Variants in CMIP observed in about 807,000 individuals in gnomAD.
The protein encoded by CMIP is C-Maf-inducing protein.
A neutral mutation model predicts 97.3 loss-of-function variants in CMIP; 13 were observed. That is an observed-to-expected ratio of 0.13 (90% confidence interval 0.09 to 0.21). CMIP has a LOEUF of 0.21. CMIP is among the 10% of genes least tolerant of loss of function. CMIP has a pLI of 1.00. For synonymous variants in CMIP, 538 were observed against 436.3 expected, an observed-to-expected ratio of 1.23 and a Z score of -2.91; for missense variants, 847 against 1,024.9, an observed-to-expected ratio of 0.83 and a Z score of 2.37.
In CMIP at chr16:81,503,537, T is replaced by C. The variant is rs530578490; in HGVS notation, c.300+57996T>C. On this transcript the variant is annotated intron_variant, in intron 1 of 20. Coordinates refer to ENST00000537098, the MANE Select transcript of CMIP (RefSeq NM_198390.3). ...TCAGCCTCCCGAGTAGGTGGGACCA[T>C]AGATACATGCCACTGCACCTGGCTA... Among the ~76,000 whole-genome samples the C allele has an allele frequency of 1.8e-4, 28 of 152,228 alleles. 1 individual carries two copies. The highest frequency in any genetic ancestry group is 5.8e-4 in the African/African-American group (24 of 41,544).
At chr16:81,602,671 A>G (rs1030660671) in intron 1 of CMIP, among the ~76,000 whole-genome samples, 22 of 152,376 alleles carry the variant, frequency 1.4e-4, no homozygotes, top group African/African-American at 5.0e-4. Flanking sequence ...ATGGAATCAT[A>G]CAGTATGCCT....
rs924742512 is a variant in CMIP at position 81,616,015 on chromosome 16, G to A, written c.427-4861G>A. ...TCCTTCTCGTCGCACTGGGGCAGAA[G>A]GAGCCGGGCGCGGTGGGTGGGAGAT... is the stretch of plus-strand genomic sequence containing the variant. On this transcript the variant is annotated intron_variant, in intron 2 of 20. Coordinates refer to ENST00000537098, the MANE Select transcript of CMIP (RefSeq NM_198390.3). The surrounding 1 kb of genome is among the most constrained non-coding windows in gnomAD (Gnocchi z 4.7). 1.3e-5 allele frequency among the ~76,000 whole-genome samples: 2 copies of A among 152,124 alleles called. No individual in the cohort carries two copies. Among genetic ancestry groups the A allele is most frequent in the East Asian group, 1.9e-4 (1 of 5,192 alleles).
chr16:81,469,768 C>T (rs1255245970), intron 1 of CMIP, among the ~76,000 whole-genome samples: 6 of 152,206 alleles, frequency 3.9e-5, no homozygotes, highest in Admixed American at 3.9e-4. Context: ...GTTAGTTAAA[C>T]TCTACCTGGA....
At chr16:81,557,407 CTTG>C (rs2090786888) in intron 1 of CMIP, among the ~76,000 whole-genome samples, 1 of 152,132 alleles carries the variant, frequency 6.6e-6, no homozygotes, top group Non-Finnish European at 1.5e-5. Context: ...TACTTACCAT[CTTG>C]TTGGCAGCCT....
rs746236947 is a variant in CMIP at position 81,652,304 on chromosome 16, C to A, written c.579C>A (p.Pro193=). 15 of 1,613,964 alleles carry A rather than the reference C, an allele frequency of 9.3e-6. No individual in the cohort carries two copies. Among genetic ancestry groups the A allele is most frequent in the Middle Eastern group, 1.7e-4 (1 of 6,052 alleles). Residue 193 remains proline, a synonymous_variant, in exon 4 of 21, where the codon CCC becomes CCA. Coordinates refer to ENST00000537098, the MANE Select transcript of CMIP (RefSeq NM_198390.3). The surrounding 1 kb of genome is among the most constrained non-coding windows in gnomAD (Gnocchi z 5.2). ...RTLVDMALTS[P]LQDDSINQAP... Reference sequence around the variant, plus strand: ...TGGTGGACATGGCCCTGACATCCCCCCTGCAGGATGACTCCATCAACCAGG... The same window carrying A: ...TGGTGGACATGGCCCTGACATCCCCACTGCAGGATGACTCCATCAACCAGG...
chr16:81,470,544 C>T (rs1907460338), intron 1 of CMIP, among the ~76,000 whole-genome samples: 2 of 152,190 alleles, frequency 1.3e-5, no homozygotes, highest in South Asian at 4.1e-4. Context: ...GCTGACAGGC[C>T]ACCTGGAGGT....
At position 81,597,113 on chromosome 16, in the gene CMIP, T is replaced by G. The variant is rs118031060; in HGVS notation, c.301-10454T>G. On this transcript the variant is annotated intron_variant, in intron 1 of 20. Coordinates refer to ENST00000537098, the MANE Select transcript of CMIP (RefSeq NM_198390.3). ...CTACCTAATGCTCAGGGAACACTTGTGCAAACATCTTTGGGAGCACAAATA... is the reference window on the plus strand; with the variant it reads ...CTACCTAATGCTCAGGGAACACTTGGGCAAACATCTTTGGGAGCACAAATA... Among the ~76,000 whole-genome samples the G allele has an allele frequency of 3.5e-3, 536 of 152,324 alleles. 10 individuals are homozygous for G. The East Asian group carries it at 0.071, about 20-fold the overall frequency.
intron 1 of CMIP, among the ~76,000 whole-genome samples, chr16:81,575,855 G>A (rs1431804272): frequency 6.6e-6 from 1 of 152,322 alleles, no homozygotes; most frequent in Admixed American, 6.5e-5. Flanking sequence ...TCTGACACAG[G>A]TTCTGGCTCT....
chr16:81,674,774 T>C (rs1473488565), intron 9 of CMIP, among the ~76,000 whole-genome samples: 1 of 151,942 alleles, frequency 6.6e-6, no homozygotes, highest in Non-Finnish European at 1.5e-5. Flanking sequence ...TTAGTAGAGA[T>C]GGGGTTTTAC....
At chr16:81,529,232 T>A (rs906131277) in intron 1 of CMIP, among the ~76,000 whole-genome samples, 5 of 152,176 alleles carry the variant, frequency 3.3e-5, no homozygotes, top group Non-Finnish European at 5.9e-5. Context: ...ATGCTATTGC[T>A]GCATCTTGAG....
intron 1 of CMIP, among the ~76,000 whole-genome samples, chr16:81,590,525 G>A (rs772168684): frequency 1.3e-5 from 2 of 152,188 alleles, no homozygotes; most frequent in Non-Finnish European, 2.9e-5. Flanking sequence ...CATGTCGCCC[G>A]GCTTCTGGGC....
At chr16:81,701,867 G>A (rs754331731) in intron 16 of CMIP, 67 bp downstream of exon 16, 7 of 1,590,066 alleles carry the variant, frequency 4.4e-6, no homozygotes, top group East Asian at 2.2e-5. Context: ...GGCGGGATGC[G>A]GGGCAGCTAG....
chr16:81,584,722 G>A (rs936550699), intron 1 of CMIP, among the ~76,000 whole-genome samples: 5 of 152,208 alleles, frequency 3.3e-5, no homozygotes, highest in African/African-American at 1.2e-4. Flanking sequence ...AACACATCGT[G>A]AGATGCCAGG....
At chr16:81,529,841 A>G (rs1443902934) in intron 1 of CMIP, among the ~76,000 whole-genome samples, 1 of 152,254 alleles carries the variant, frequency 6.6e-6, no homozygotes, top group Non-Finnish European at 1.5e-5. Context: ...AGAAGGAGCC[A>G]GCCCTGCCCA....
chr16:81,683,361 T>C (rs1426048022), intron 10 of CMIP, among the ~76,000 whole-genome samples: 1 of 152,180 alleles, frequency 6.6e-6, no homozygotes, highest in Admixed American at 6.5e-5. Context: ...AAGAGGCCCC[T>C]CCCTCGGGGA....
chr16:81,472,232 C>G (rs1907605218), intron 1 of CMIP, among the ~76,000 whole-genome samples: 1 of 152,224 alleles, frequency 6.6e-6, no homozygotes, highest in South Asian at 2.1e-4. Context: ...GTCTCTGCCT[C>G]AGTTTCCTCG....
At position 81,701,176 on chromosome 16, in the gene CMIP, G is replaced by T. The variant is rs113502837; in HGVS notation, c.1756-484G>T. On this transcript the variant is annotated intron_variant, in intron 15 of 20. Coordinates refer to ENST00000537098, the MANE Select transcript of CMIP (RefSeq NM_198390.3). ...TGTCAGAGGCAGGGCTGTCAGGCGT[G>T]TTGACCCCCAGGCCGAAGAGCCACA... Among the ~76,000 whole-genome samples the T allele has an allele frequency of 3.9e-5, 6 of 152,190 alleles. No individual in the cohort carries two copies. In the South Asian group the frequency reaches 8.3e-4, roughly 21 times the overall value.
In CMIP at chr16:81,487,212, C is replaced by G. The variant is rs550155416; in HGVS notation, c.300+41671C>G. Among the ~76,000 whole-genome samples the G allele has an allele frequency of 3.3e-5, 5 of 152,002 alleles. No individual in the cohort carries two copies. In the South Asian group the frequency reaches 1.0e-3, roughly 31 times the overall value. ...CTTTGGGGTGCCCCCTCCCCACCCT[C>G]CCTTGCCTCCTGAGCCTCACTGCTC... is the stretch of plus-strand genomic sequence containing the variant. On this transcript the variant is annotated intron_variant, in intron 1 of 20. Transcript: ENST00000537098.
intron 4 of CMIP, among the ~76,000 whole-genome samples, chr16:81,654,786 C>T (rs1240930023): frequency 1.3e-5 from 2 of 152,212 alleles, no homozygotes; most frequent in African/African-American, 2.4e-5. Context: ...GACCCTCGCC[C>T]GGGTCTGCCC....
Sources: allele counts gnomAD v4.1 joint callset (sites outside exome capture counted in the v4.1 genomes callset), GRCh38; gene constraint gnomAD v4.1.1; non-coding constraint Gnocchi (gnomAD v3.1); transcripts MANE v1.5; gene names NCBI Gene and HGNC (gene_info 2026-07-23, HGNC 2026-07-21).